The following ARHGAP11B variants were observed in gnomAD, a reference collection of about 807,000 sequenced individuals.
ARHGAP11B encodes inactive Rho GTPase-activating protein 11B.
A neutral mutation model predicts 27.6 loss-of-function variants in ARHGAP11B; 14 were observed. That is an observed-to-expected ratio of 0.51 (90% CI 0.34 to 0.79). ARHGAP11B has a LOEUF of 0.79. ARHGAP11B is among the 30% of genes least tolerant of loss of function. The pLI is 0.02. For missense variants in ARHGAP11B, 245 were observed against 320.1 expected, an observed-to-expected ratio of 0.77 and a Z score of 1.79; for synonymous variants, 82 against 114.1, an observed-to-expected ratio of 0.72 and a Z score of 1.80.
exon 11 of ARHGAP11B, chr15:30,649,094 G>C (rs1163800850): frequency 6.6e-6 from 1 of 151,972 alleles, no homozygotes; most frequent in African/African-American, 2.4e-5. Flanking sequence ...TCATCCCTCT[G>C]TATCAGCCCG....
At chr15:30,626,896 G>T (rs752841959) in exon 1 of ARHGAP11B, 26 of 1,613,554 alleles carry the variant, frequency 1.6e-5, no homozygotes, top group Non-Finnish European at 2.2e-5. Context: ...GGTGAAGGGT[G>T]TCCGTGGGCA....
intron 7 of ARHGAP11B, among the ~76,000 whole-genome samples, chr15:30,641,130 A>C (rs947440175): frequency 5.3e-5 from 8 of 152,018 alleles, no homozygotes; most frequent in Non-Finnish European, 7.4e-5. Context: ...TTTAATAAAA[A>C]AATTTAAAAG....
chr15:30,635,784 G>A (rs903632615), intron 6 of ARHGAP11B, among the ~76,000 whole-genome samples, 151 bp downstream of exon 6: 3 of 145,084 alleles, frequency 2.1e-5, no homozygotes, highest in Non-Finnish European at 4.5e-5. Flanking sequence ...AAGTTAAAGC[G>A]ATAGTACAAT....
rs1021836871 is a variant in ARHGAP11B at position 30,626,531 on chromosome 15, T to G, written c.-290T>G. On this transcript the variant is annotated 5_prime_UTR_variant, in exon 1 of 11. The change abolishes the stop of an existing upstream ORF in the 5' untranslated region. Transcript: ENST00000428041. Reference sequence around the variant, plus strand: ...CGAAAGAATCAGAAAGAAGTCTATGTGAGTAGCTGAAAGCATTGGGTGACC... The same window carrying G: ...CGAAAGAATCAGAAAGAAGTCTATGGGAGTAGCTGAAAGCATTGGGTGACC... 6.5e-6 allele frequency: 3 copies of G among 458,342 alleles called. No homozygotes were observed. The highest frequency in any genetic ancestry group is 5.9e-4 in the Middle Eastern group (1 of 1,708). 28.4% of individuals were successfully genotyped at this position (458,342 alleles called of 1,614,324 possible).
chr15:30,627,176 C>G (rs2060214952), intron 1 of ARHGAP11B, among the ~76,000 whole-genome samples: 1 of 151,800 alleles, frequency 6.6e-6, no homozygotes. Flanking sequence ...TTTCCAACTT[C>G]AGCACTATTG....
chr15:30,639,971 A>AGTGTGT (rs71103435), intron 7 of ARHGAP11B, among the ~76,000 whole-genome samples: 4,393 of 143,230 alleles, frequency 0.031, 68 homozygotes, highest in East Asian at 0.054. Context: ...TTCAATATAG[A>AGTGTGT]GTGTGTGTGT....
intron 2 of ARHGAP11B, among the ~76,000 whole-genome samples, chr15:30,632,403 G>A (rs1310675296): frequency 1.3e-5 from 2 of 150,660 alleles, no homozygotes; most frequent in African/African-American, 2.5e-5. Context: ...GTGACAGAGC[G>A]AGACACTGTC....
exon 6 of ARHGAP11B, chr15:30,635,596 T>C (rs2140898300): frequency 6.2e-7 from 1 of 1,613,504 alleles, no homozygotes; most frequent in Non-Finnish European, 8.5e-7. Flanking sequence ...ATGAAACTCC[T>C]GGTGAATATA....
intron 6 of ARHGAP11B, among the ~76,000 whole-genome samples, chr15:30,635,871 C>G (rs1045847396): frequency 7.8e-6 from 1 of 128,732 alleles, no homozygotes; most frequent in South Asian, 2.4e-4. Context: ...TTGTAATTAT[C>G]AGGGACTTGT....
intron 1 of ARHGAP11B, among the ~76,000 whole-genome samples, chr15:30,629,701 C>A (rs991605814): frequency 6.6e-6 from 1 of 151,958 alleles, no homozygotes; most frequent in Non-Finnish European, 1.5e-5. Context: ...TACTGTGTTG[C>A]GTCATTGACA....
chr15:30,637,436 A>G (rs745553438), intron 6 of ARHGAP11B, among the ~76,000 whole-genome samples: 3 of 152,074 alleles, frequency 2.0e-5, no homozygotes, highest in Non-Finnish European at 4.4e-5. Context: ...TTGCATTGTT[A>G]CTGTAAGAAT....
At chr15:30,627,029 A>T in intron 1 of ARHGAP11B, 80 bp downstream of exon 1, 2 of 1,583,326 alleles carry the variant, frequency 1.3e-6, no homozygotes, top group Non-Finnish European at 1.7e-6. Flanking sequence ...TCGTGCTAAA[A>T]TGTTCACTCT....
chr15:30,648,430 A>G (rs1466427622), exon 11 of ARHGAP11B, among the ~76,000 whole-genome samples: 2 of 151,954 alleles, frequency 1.3e-5, no homozygotes, highest in Non-Finnish European at 2.9e-5. Flanking sequence ...GGGTGAGTGG[A>G]ACAAGGAAAT....
chr15:30,636,728 G>A (rs1251433931), intron 6 of ARHGAP11B, among the ~76,000 whole-genome samples: 1 of 152,090 alleles, frequency 6.6e-6, no homozygotes, highest in Non-Finnish European at 1.5e-5. Flanking sequence ...AAACCTGCAG[G>A]GGAGAATCCT....
At chr15:30,629,476 C>T (rs1269973042) in intron 1 of ARHGAP11B, among the ~76,000 whole-genome samples, 1 of 152,072 alleles carries the variant, frequency 6.6e-6, no homozygotes, top group East Asian at 1.9e-4. Context: ...ATGGGTGAAC[C>T]CGGGAGGCGG....
chr15:30,648,885 A>G (rs2060368849), exon 11 of ARHGAP11B: 1 of 152,078 alleles, frequency 6.6e-6, no homozygotes, highest in Non-Finnish European at 1.5e-5. Context: ...TTACTCTCCC[A>G]AAGTAAAATC....
At chr15:30,629,232 A>G (rs577327932) in intron 1 of ARHGAP11B, among the ~76,000 whole-genome samples, 1 of 152,158 alleles carries the variant, frequency 6.6e-6, no homozygotes, top group South Asian at 2.1e-4. Context: ...GCTGTTAAGT[A>G]CAAGAGTTAA....
At chr15:30,647,257 A>C (rs1460687266) in intron 9 of ARHGAP11B, among the ~76,000 whole-genome samples, 1 of 151,610 alleles carries the variant, frequency 6.6e-6, no homozygotes, top group Non-Finnish European at 1.5e-5. Flanking sequence ...CATGTTTAGC[A>C]TCGATTGGCA....
At chr15:30,631,576 A>G (rs571116353) in intron 2 of ARHGAP11B, among the ~76,000 whole-genome samples, 2 of 152,062 alleles carry the variant, frequency 1.3e-5, no homozygotes, top group South Asian at 4.2e-4. Context: ...GCTGAGGCAG[A>G]TGATTGTTTG....
Sources: allele counts gnomAD v4.1 joint callset (sites outside exome capture counted in the v4.1 genomes callset), GRCh38; gene constraint gnomAD v4.1.1; transcripts MANE v1.5; gene names NCBI Gene and HGNC (gene_info 2026-07-23, HGNC 2026-07-21).